NADSYN1: variants seen among roughly 807,000 people sequenced by gnomAD.
NADSYN1 encodes glutamine-dependent NAD(+) synthetase.
NADSYN1 carries 80 observed loss-of-function variants against 99.3 expected under a neutral mutation model. The ratio of observed to expected loss-of-function variants is 0.81; its 90% CI spans 0.67 to 0.97. The LOEUF (loss-of-function observed/expected upper bound fraction) is 0.97, where lower values mean the gene tolerates loss of function less well. Among genes scored for constraint, NADSYN1 ranks in the 50% least tolerant of loss-of-function variants. The pLI is 0.00. For synonymous variants in NADSYN1, 385 were observed against 372.1 expected (o/e 1.03, Z -0.40); for missense variants, 859 against 948.5 (o/e 0.91, Z 1.24).
chr11:71,473,540 C>T (rs1197511379), intron 7 of NADSYN1, 29 bp from the exon 8 acceptor site: 1 of 1,591,140 alleles, frequency 6.3e-7, no homozygotes, highest in South Asian at 1.1e-5. Flanking sequence ...GTCTGGTGGC[C>T]TGTTCTCTTC....
intron 9 of NADSYN1, chr11:71,477,459 G>A (rs1015744727): frequency 1.6e-5 from 20 of 1,288,718 alleles, no homozygotes; most frequent in East Asian, 5.6e-5. Flanking sequence ...CTGTTACGGC[G>A]GTAGGAGCAA....
At chr11:71,497,727 C>CTGTATCTCA in intron 19 of NADSYN1, 116 bp downstream of exon 19, 2 of 1,316,738 alleles carry the variant, frequency 1.5e-6, no homozygotes, top group Non-Finnish European at 2.1e-6. Context: ...CGTAATAAAA[C>CTGTATCTCA]TGTATCTCAC....
intron 18 of NADSYN1, among the ~76,000 whole-genome samples, chr11:71,492,161 G>A (rs550012119): frequency 5.9e-5 from 9 of 152,272 alleles, no homozygotes; most frequent in African/African-American, 1.9e-4. Context: ...GCGGAGGAAC[G>A]CAAGTTCCTC....
rs778772072 is a variant in NADSYN1, at chr11:71,485,646, GA to G, written c.1561del (p.Ser521ValfsTer6). 1 of 1,552,702 alleles carries G rather than the reference GA, an allele frequency of 6.4e-7. No homozygotes were observed. The highest frequency in any genetic ancestry group is 1.2e-5 in the South Asian group (1 of 84,114). On this transcript the variant is annotated frameshift_variant and splice_region_variant, in exon 16 of 21. Transcript: ENST00000319023. LOFTEE classifies it high-confidence loss of function. The part of the protein sequence containing the change: ...LVLGSANVDE[S>X]LLGYLTKYDC... Reference sequence around the variant, plus strand: ...TGCTGGGATCCGCCAACGTGGATGAGAGGTGAGTGTGGCCCAGTGGCACGTG... The same window carrying G: ...TGCTGGGATCCGCCAACGTGGATGAGGGTGAGTGTGGCCCAGTGGCACGTG...
chr11:71,478,668 T>C lies in NADSYN1; in HGVS notation c.873+199T>C. On this transcript the variant is annotated intron_variant, in intron 10 of 20. Coordinates refer to ENST00000319023, the MANE Select transcript of NADSYN1 (RefSeq NM_018161.5). ...CATCTGTTCCCCGTCATCCTCTGCTTGGGCCAGGCCCTGAGCTGGGGTGAG... is the reference window on the plus strand; with the variant it reads ...CATCTGTTCCCCGTCATCCTCTGCTCGGGCCAGGCCCTGAGCTGGGGTGAG... 4 of 567,168 alleles carry C rather than the reference T, an allele frequency of 7.1e-6. No homozygotes were observed. The South Asian group carries it at 7.8e-5, about 11-fold the overall frequency. 35.1% of individuals were successfully genotyped at this position (567,168 alleles called of 1,614,324 possible). A position where few individuals can be genotyped will look rare whatever the true frequency, so the allele number is the denominator to read the frequency against.
At chr11:71,485,959 T>C (rs1949739881) in intron 16 of NADSYN1, among the ~76,000 whole-genome samples, 1 of 152,224 alleles carries the variant, frequency 6.6e-6, no homozygotes, top group Non-Finnish European at 1.5e-5. Context: ...TGTTCCACTG[T>C]GTCTTAAGTC....
At chr11:71,476,868 A>C (rs1591128918) in intron 9 of NADSYN1, 8 of 986,846 alleles carry the variant, frequency 8.1e-6, no homozygotes, top group Non-Finnish European at 9.6e-6. Context: ...TTTAGTGAGC[A>C]CCAGGCAGTT....
At chr11:71,455,573 C>T (rs1949508071) in intron 2 of NADSYN1, 1 of 184,286 alleles carries the variant, frequency 5.4e-6, no homozygotes, top group Admixed American at 5.5e-5. Context: ...GAGAGTGGAG[C>T]CTGCATGAAT....
Position 71,491,900 on chromosome 11 carries a change from C to A in NADSYN1, c.1761C>A (p.Asp587Glu). 6.2e-7 allele frequency: 1 copy of A among 1,613,930 alleles called. No homozygotes were observed. Among genetic ancestry groups the A allele is most frequent in the Non-Finnish European group, 8.5e-7 (1 of 1,179,960 alleles). Residue 587 changes from aspartate (D) to glutamate (E), a missense_variant, in exon 18 of 21, where the codon GAC becomes GAA. Physicochemically the swap from Asp to Glu is conservative, Grantham distance 45. Coordinates refer to ENST00000319023, the MANE Select transcript of NADSYN1 (RefSeq NM_018161.5). ...CTGATGGACAGGTGTCCCAGACCGA[C>A]GAGGTAATGGCGGTGGCTTTGCCAT... ...PLADGQVSQT[D>E]EEDMGMTYAE...
Position 71,485,625 on chromosome 11 carries a change from G to A in NADSYN1, c.1539G>A (p.Leu513=). ...GTGTCCACGGTGGGCTCCTCGTGCT[G>A]GGATCCGCCAACGTGGATGAGAGGT... is the stretch of plus-strand genomic sequence containing the variant. ...SRGVHGGLLV[L]GSANVDESLL... The change falls in exon 16 of 21, where the codon CTG becomes CTA. Residue 513 remains leucine (L), a synonymous_variant. Transcript: ENST00000319023. The A allele has an allele frequency of 1.3e-6, 2 of 1,556,810 alleles. No individual in the cohort carries two copies. The highest frequency in any genetic ancestry group is 1.2e-5 in the South Asian group (1 of 84,404).
Position 71,482,041 on chromosome 11 carries a change from T to C in NADSYN1, c.1150+16T>C. 6.3e-7 allele frequency: 1 copy of C among 1,599,558 alleles called. No individual in the cohort carries two copies. The highest frequency in any genetic ancestry group is 8.5e-7 in the Non-Finnish European group (1 of 1,172,696). Reference sequence around the variant, plus strand: ...AGGAGTGGAAGTAGGTGACATCTGTTGGCTTGAGGGAGGCTCCAGGGTCCA... The same window carrying C: ...AGGAGTGGAAGTAGGTGACATCTGTCGGCTTGAGGGAGGCTCCAGGGTCCA... On this transcript the variant is annotated intron_variant, in intron 13 of 20. Transcript: ENST00000319023.
At chr11:71,497,395 T>A in intron 18 of NADSYN1, 88 bp from the exon 19 acceptor site, 2 of 1,565,076 alleles carry the variant, frequency 1.3e-6, no homozygotes, top group South Asian at 2.3e-5. Context: ...GCCTCCTTGG[T>A]CTCTGGTTCC....
At chr11:71,475,938 T>G (rs1462562463) in intron 9 of NADSYN1, 1 of 444,370 alleles carries the variant, frequency 2.3e-6, no homozygotes, top group East Asian at 7.0e-5. Context: ...GGTCGCAAAC[T>G]CCTGAGCTCA....
At chr11:71,464,352 G>A in intron 5 of NADSYN1, 1 of 504,344 alleles carries the variant, frequency 2.0e-6, no homozygotes, top group Non-Finnish European at 3.5e-6. Context: ...CCCCTCCACA[G>A]GGTGGGAGCA....
chr11:71,467,363 C>T (rs765167359), intron 5 of NADSYN1, among the ~76,000 whole-genome samples: 4 of 151,944 alleles, frequency 2.6e-5, no homozygotes, highest in African/African-American at 4.8e-5. Context: ...AATTTCTAGA[C>T]GTGACATTTA....
At chr11:71,453,825 G>A (rs1226725916) in intron 1 of NADSYN1, among the ~76,000 whole-genome samples, 1 of 152,162 alleles carries the variant, frequency 6.6e-6, no homozygotes, top group Non-Finnish European at 1.5e-5. Flanking sequence ...CCCAGAAAGG[G>A]AAGTAGAAAA....
Position 71,457,568 on chromosome 11 carries a change from A to G in NADSYN1, c.147-860A>G, listed in dbSNP as rs1163931512. Among the ~76,000 whole-genome samples, 6 of 152,368 alleles carry G rather than the reference A, an allele frequency of 3.9e-5. No homozygotes were observed. In the East Asian group the frequency reaches 1.2e-3, roughly 29 times the overall value. ...CCTGTGGCTGCCGAAACAGATAGAA[A>G]CAAACTAGAGGCTTAAAGCAACAGA... On this transcript the variant is annotated intron_variant, in intron 2 of 20. Coordinates refer to ENST00000319023, the MANE Select transcript of NADSYN1 (RefSeq NM_018161.5).
rs775955488 is a variant in NADSYN1 at position 71,464,175 on chromosome 11, G to A, written c.407+33G>A. The A allele has an allele frequency of 5.6e-5, 86 of 1,534,506 alleles. No individual in the cohort carries two copies. The African/African-American group carries it at 9.9e-4, about 18-fold the overall frequency. On this transcript the variant is annotated intron_variant, in intron 5 of 20. Coordinates refer to ENST00000319023, the MANE Select transcript of NADSYN1 (RefSeq NM_018161.5). ...GGGTGCCTGACCACTCCTGGGATGT[G>A]CGTTAAGCACCTCCGCTGTGTGTAG...
intron 5 of NADSYN1, among the ~76,000 whole-genome samples, chr11:71,467,363 C>G (rs765167359): frequency 6.6e-6 from 1 of 151,944 alleles, no homozygotes; most frequent in Admixed American, 6.6e-5. Flanking sequence ...AATTTCTAGA[C>G]GTGACATTTA....
Sources: allele counts gnomAD v4.1 joint callset (sites outside exome capture counted in the v4.1 genomes callset), GRCh38; gene constraint gnomAD v4.1.1; transcripts MANE v1.5; gene names NCBI Gene and HGNC (gene_info 2026-07-23, HGNC 2026-07-21).